Variants in RANBP17 observed in about 807,000 individuals in gnomAD.
RANBP17 encodes ran-binding protein 17.
Under a neutral mutation model 141.2 loss-of-function variants are expected in RANBP17, and 158 were observed. That is an observed-to-expected ratio of 1.12 (90% CI 0.98 to 1.28). RANBP17 has a LOEUF of 1.28. Among genes scored for constraint, RANBP17 ranks in the 50% most tolerant of loss-of-function variants. The pLI is 0.00. For missense variants in RANBP17, 1,438 were observed against 1,290.7 expected (o/e 1.11, Z -1.75); for synonymous variants, 430 against 450.0 (o/e 0.96, Z 0.56).
chr5:170,899,796 C>G (rs768703546), intron 5 of RANBP17, among the ~76,000 whole-genome samples: 6 of 152,090 alleles, frequency 3.9e-5, no homozygotes, highest in East Asian at 1.9e-4. Context: ...GTCATTGGTT[C>G]TGTTTATGTG....
At chr5:171,205,827 G>A (rs925726202) in intron 20 of RANBP17, 13 of 647,650 alleles carry the variant, frequency 2.0e-5, no homozygotes, top group Admixed American at 1.3e-4. Flanking sequence ...TTTTGGTGCC[G>A]TTAAATATTG....
Position 170,919,487 on chromosome 5 carries a change from G to A in RANBP17, c.1148G>A (p.Trp383Ter). The part of the protein sequence containing the change: ...PNSVHYLLTL[W>*]QRMVASVPFV... Reference sequence around the variant, plus strand: ...AGTGTTCATTATTTATTAACTCTGTGGCAAAGGATGGTAGCATCTGTTCCT... The same window carrying A: ...AGTGTTCATTATTTATTAACTCTGTAGCAAAGGATGGTAGCATCTGTTCCT... Residue 383 changes from tryptophan to a stop codon, truncating the protein, a stop_gained, in exon 11 of 28, where the codon TGG (tryptophan) becomes TAG (stop). Coordinates refer to ENST00000523189, the MANE Select transcript of RANBP17 (RefSeq NM_022897.5). LOFTEE classifies it high-confidence loss of function. The A allele has an allele frequency of 6.2e-6, 10 of 1,609,258 alleles. No individual in the cohort carries two copies. The highest frequency in any genetic ancestry group is 8.5e-6 in the Non-Finnish European group (10 of 1,178,140).
chr5:170,964,633 TG>T (rs1776409548), intron 13 of RANBP17, among the ~76,000 whole-genome samples: 1 of 151,990 alleles, frequency 6.6e-6, no homozygotes, highest in Admixed American at 6.6e-5. Flanking sequence ...CACCTATGAG[TG>T]AGAACATGCA....
At chr5:171,168,844 T>TTC (rs148930265) in intron 14 of RANBP17, among the ~76,000 whole-genome samples, 148 of 149,420 alleles carry the variant, frequency 9.9e-4, no homozygotes, top group South Asian at 1.1e-3. Flanking sequence ...CTCTCTCTGT[T>TTC]TCTCTCTCTC....
At chr5:170,874,282 T>C (rs1198179554) in intron 1 of RANBP17, among the ~76,000 whole-genome samples, 1 of 152,218 alleles carries the variant, frequency 6.6e-6, no homozygotes, top group Non-Finnish European at 1.5e-5. Context: ...GTAAGTACCA[T>C]GTGGCACTAG....
At chr5:171,023,167 A>G (rs1467228003) in intron 14 of RANBP17, among the ~76,000 whole-genome samples, 3 of 152,156 alleles carry the variant, frequency 2.0e-5, no homozygotes, top group African/African-American at 7.2e-5. Context: ...CATGCCTATT[A>G]TAGTTCTTTT....
At chr5:171,094,765 G>A (rs1786556638) in intron 14 of RANBP17, among the ~76,000 whole-genome samples, 1 of 152,152 alleles carries the variant, frequency 6.6e-6, no homozygotes, top group Non-Finnish European at 1.5e-5. Context: ...CAAGAGGAAT[G>A]CGTTCATTTT....
intron 14 of RANBP17, among the ~76,000 whole-genome samples, chr5:171,092,195 A>T (rs1014041408): frequency 1.3e-5 from 2 of 152,200 alleles, no homozygotes; most frequent in Non-Finnish European, 2.9e-5. Context: ...CAAAGGAAAA[A>T]AATTTCCTTT....
At chr5:171,022,028 C>T (rs1197153514) in intron 14 of RANBP17, among the ~76,000 whole-genome samples, 1 of 152,006 alleles carries the variant, frequency 6.6e-6, no homozygotes, top group African/African-American at 2.4e-5. Flanking sequence ...TATTCAGGTC[C>T]CTCCTCTGTA....
At chr5:170,926,857 T>C (rs1561898411) in intron 12 of RANBP17, among the ~76,000 whole-genome samples, 2 of 152,174 alleles carry the variant, frequency 1.3e-5, no homozygotes, top group Non-Finnish European at 2.9e-5. Context: ...CCTCCCTTAT[T>C]TGCATAGAAT....
At chr5:171,004,623 G>A (rs959500921) in intron 14 of RANBP17, among the ~76,000 whole-genome samples, 7 of 152,162 alleles carry the variant, frequency 4.6e-5, no homozygotes, top group African/African-American at 1.7e-4. Context: ...AGTCCAGGGG[G>A]CTTCCAAGGC....
chr5:170,937,428 T>G (rs1773973526), intron 12 of RANBP17, among the ~76,000 whole-genome samples: 1 of 152,220 alleles, frequency 6.6e-6, no homozygotes, highest in African/African-American at 2.4e-5. Flanking sequence ...CTTTGGCCAT[T>G]AGAGGAGAAG....
At chr5:170,906,048 A>C (rs1332857645) in intron 5 of RANBP17, among the ~76,000 whole-genome samples, 3 of 152,076 alleles carry the variant, frequency 2.0e-5, no homozygotes, top group Non-Finnish European at 2.9e-5. Context: ...AGTTGCTAAC[A>C]TAATTCTCCA....
intron 21 of RANBP17, 131 bp downstream of exon 21, chr5:171,213,869 A>G: frequency 1.4e-6 from 1 of 707,476 alleles, no homozygotes; most frequent in East Asian, 2.5e-5. Flanking sequence ...ACTTAAGATG[A>G]TTAGTGAAAA....
At chr5:170,948,018 G>A (rs918928004) in intron 12 of RANBP17, among the ~76,000 whole-genome samples, 14 of 152,142 alleles carry the variant, frequency 9.2e-5, no homozygotes, top group African/African-American at 3.4e-4. Context: ...TTGGTGATGA[G>A]TATTTGAAGA....
chr5:170,932,769 G>T (rs112003477), intron 12 of RANBP17, among the ~76,000 whole-genome samples: 1 of 152,044 alleles, frequency 6.6e-6, no homozygotes, highest in Non-Finnish European at 1.5e-5. Flanking sequence ...CAACTTGATC[G>T]TGGTGGATAA....
At chr5:170,899,084 G>C (rs190192692) in intron 5 of RANBP17, among the ~76,000 whole-genome samples, 3 of 152,240 alleles carry the variant, frequency 2.0e-5, no homozygotes, top group Non-Finnish European at 4.4e-5. Context: ...GATGAGGATA[G>C]CTTTGAATCT....
intron 25 of RANBP17, among the ~76,000 whole-genome samples, chr5:171,267,292 CCTCAGCCTCCCAA>C (rs2128022283): frequency 6.6e-6 from 1 of 151,768 alleles, no homozygotes; most frequent in South Asian, 2.1e-4. Context: ...AGTCCTCCCA[CCTCAGCCTCCCAA>C]GGTGCTGGGA....
chr5:171,271,504 A>C (rs2128027112), intron 25 of RANBP17: 1 of 210,452 alleles, frequency 4.8e-6, no homozygotes, highest in South Asian at 1.9e-4. Flanking sequence ...AAAAACACTT[A>C]AGCAGATGAA....
Sources: allele counts gnomAD v4.1 joint callset (sites outside exome capture counted in the v4.1 genomes callset), GRCh38; gene constraint gnomAD v4.1.1; transcripts MANE v1.5; gene names NCBI Gene and HGNC (gene_info 2026-07-23, HGNC 2026-07-21).